The following PREX2 variants were observed in gnomAD, a reference collection of about 807,000 sequenced individuals.
The protein encoded by PREX2 is phosphatidylinositol-3,4,5-trisphosphate dependent Rac exchange factor 2.
Under a neutral mutation model 203.2 loss-of-function variants are expected in PREX2, and 107 were observed. The observed-to-expected ratio is 0.53, with a 90% CI of 0.45 to 0.62. The LOEUF (loss-of-function observed/expected upper bound fraction) is 0.62. Ranked by LOEUF, PREX2 falls within the 20% of genes least tolerant of loss-of-function variation. The pLI is 0.00. For missense variants in PREX2, 1,777 were observed against 1,955.9 expected (o/e 0.91, Z 1.72); for synonymous variants, 672 against 663.6 (o/e 1.01, Z -0.19).
chr8:67,961,564 T>C (rs949308504), intron 1 of PREX2, among the ~76,000 whole-genome samples: 4 of 152,262 alleles, frequency 2.6e-5, no homozygotes, highest in African/African-American at 9.6e-5. Context: ...TGATTAAAAG[T>C]GTGGCTGGGT....
chr8:68,025,116 C>G (rs1273338426), intron 4 of PREX2, among the ~76,000 whole-genome samples: 3 of 151,954 alleles, frequency 2.0e-5, no homozygotes, highest in Non-Finnish European at 4.4e-5. Context: ...GTGTATTTGA[C>G]TCTGATATTA....
intron 6 of PREX2, among the ~76,000 whole-genome samples, chr8:68,034,885 C>T (rs1769109120): frequency 6.6e-6 from 1 of 152,026 alleles, no homozygotes; most frequent in African/African-American, 2.4e-5. Flanking sequence ...AATTCATCTT[C>T]TACCTTGAGA....
rs79960053 is a variant in PREX2 at position 68,101,446 on chromosome 8, A to C, written c.2715+1603A>C. 1.3e-3 allele frequency: 674 copies of C among 518,884 alleles called. 7 individuals carry two copies. The highest frequency in any genetic ancestry group is 0.012 in the African/African-American group (641 of 52,082). The allele number at this position is 518,884 out of a possible 1,614,324, so 32.1% of individuals were successfully genotyped here. ...TTCAGGGTTGCTGGTTACCTGCCAC[A>C]TTTGTTAATCTGCTTTTCATGACTG... On this transcript the variant is annotated intron_variant, in intron 23 of 39. Coordinates refer to ENST00000288368, the MANE Select transcript of PREX2 (RefSeq NM_024870.4).
intron 35 of PREX2, among the ~76,000 whole-genome samples, chr8:68,164,082 A>C (rs964117061): frequency 6.6e-6 from 1 of 152,102 alleles, no homozygotes; most frequent in African/African-American, 2.4e-5. Flanking sequence ...CAGATGACCC[A>C]AAAAAGGGGT....
intron 37 of PREX2, among the ~76,000 whole-genome samples, chr8:68,204,211 T>C (rs937858726): frequency 1.1e-4 from 17 of 152,148 alleles, no homozygotes; most frequent in Non-Finnish European, 2.2e-4. Flanking sequence ...TCCAAGTGCC[T>C]AAATGCTCAT....
intron 1 of PREX2, among the ~76,000 whole-genome samples, chr8:67,980,687 TC>T: frequency 6.6e-6 from 1 of 152,178 alleles, no homozygotes; most frequent in African/African-American, 2.4e-5. Context: ...TGGGGGTGGT[TC>T]CCCCATACTG....
chr8:68,089,619 C>T (rs943624124), intron 19 of PREX2, among the ~76,000 whole-genome samples: 93 of 152,124 alleles, frequency 6.1e-4, no homozygotes, highest in African/African-American at 2.2e-3. Context: ...TTTCCATTTT[C>T]CCCTAAGACT....
chr8:68,214,227 C>T (rs1256337583), intron 37 of PREX2, among the ~76,000 whole-genome samples: 1 of 151,952 alleles, frequency 6.6e-6, no homozygotes, highest in African/African-American at 2.4e-5. Flanking sequence ...TAGTGAGAAC[C>T]CATCTCCACA....
chr8:68,215,433 G>A (rs1025204799), intron 37 of PREX2, among the ~76,000 whole-genome samples: 8 of 152,108 alleles, frequency 5.3e-5, no homozygotes, highest in African/African-American at 1.9e-4. Context: ...AAAATGTTAG[G>A]ATCAATAAAG....
In PREX2 at chr8:67,952,331, C is replaced by T; in HGVS notation, c.-64C>T. 1 of 1,319,106 alleles carries T rather than the reference C, an allele frequency of 7.6e-7. No homozygotes were observed. Among genetic ancestry groups the T allele is most frequent in the South Asian group, 2.3e-5 (1 of 42,744 alleles). 81.7% of individuals were successfully genotyped at this position (1,319,106 alleles called of 1,614,324 possible). A position where few individuals can be genotyped will look rare whatever the true frequency, so the allele number is the denominator to read the frequency against. ...ATTCTCGCCGCCGGGGGCCGGGCAG[C>T]AGCGGGCGCGCGGGTCAGCGCTCAG... On this transcript the variant is annotated 5_prime_UTR_variant, in exon 1 of 40. Coordinates refer to ENST00000288368, the MANE Select transcript of PREX2 (RefSeq NM_024870.4).
In PREX2 at chr8:67,989,122, TAATG is replaced by T. The variant is rs1188267688; in HGVS notation, c.142-28722_142-28719del. Reference sequence around the variant, plus strand: ...CAGTTTAGGAGAAGGAGAGAAAAATTAATGAGGAATGGATGTGAAAAAAAAGATA... The same window carrying T: ...CAGTTTAGGAGAAGGAGAGAAAAATTAGGAATGGATGTGAAAAAAAAGATA... On this transcript the variant is annotated intron_variant, in intron 1 of 39. Coordinates refer to ENST00000288368, the MANE Select transcript of PREX2 (RefSeq NM_024870.4). Among the ~76,000 whole-genome samples the T allele has an allele frequency of 5.9e-5, 9 of 151,902 alleles. No homozygotes were observed. In the South Asian group the frequency reaches 1.9e-3, roughly 32 times the overall value.
intron 1 of PREX2, among the ~76,000 whole-genome samples, chr8:67,975,844 C>A (rs946459936): frequency 6.6e-6 from 1 of 150,594 alleles, no homozygotes; most frequent in Admixed American, 6.6e-5. Flanking sequence ...GCTGGGACTA[C>A]AGGCGTGTGC....
At chr8:67,997,266 C>A (rs1299020515) in intron 1 of PREX2, among the ~76,000 whole-genome samples, 2 of 151,948 alleles carry the variant, frequency 1.3e-5, no homozygotes, top group African/African-American at 4.8e-5. Flanking sequence ...CTACAATAGT[C>A]CCCCCTTAAC....
At chr8:68,000,997 T>C (rs1207678219) in intron 1 of PREX2, among the ~76,000 whole-genome samples, 2 of 152,266 alleles carry the variant, frequency 1.3e-5, no homozygotes, top group South Asian at 2.1e-4. Context: ...TGTAGAAACC[T>C]TGGAAGACAA....
At chr8:67,989,669 T>C (rs10087302) in intron 1 of PREX2, among the ~76,000 whole-genome samples, 17,424 of 152,250 alleles carry the variant, frequency 0.11, 1,134 homozygotes, top group African/African-American at 0.19. Context: ...TGTCTCAGTA[T>C]TACGTAAAAA....
In PREX2 at chr8:68,027,338, A is replaced by G. The variant is rs772360293; in HGVS notation, c.543+15A>G. 2.8e-6 allele frequency: 4 copies of G among 1,446,382 alleles called. No homozygotes were observed. The South Asian group carries it at 3.5e-5, about 13-fold the overall frequency. The allele number at this position is 1,446,382 out of a possible 1,614,324, so 89.6% of individuals were successfully genotyped here. On this transcript the variant is annotated intron_variant, in intron 5 of 39. Coordinates refer to ENST00000288368, the MANE Select transcript of PREX2 (RefSeq NM_024870.4). The stretch of plus-strand genomic sequence containing the variant: ...TTATTTTGAAGGTATTTTATGTGCT[A>G]CCTCATTGTAGCCATTTTCTTGTAT...
intron 9 of PREX2, among the ~76,000 whole-genome samples, chr8:68,055,294 C>T (rs2129611187): frequency 6.6e-6 from 1 of 152,292 alleles, no homozygotes; most frequent in East Asian, 1.9e-4. Context: ...TCTCTTAAAA[C>T]CCATGGCTCC....
chr8:68,157,753 A>T (rs970884759), intron 35 of PREX2, among the ~76,000 whole-genome samples: 5 of 152,054 alleles, frequency 3.3e-5, no homozygotes, highest in Non-Finnish European at 7.4e-5. Flanking sequence ...GGTGTCCCCT[A>T]TAAGATTTAT....
intron 23 of PREX2, chr8:68,106,130 G>A (rs11986355): frequency 0.014 from 4,540 of 329,682 alleles, 132 homozygotes; most frequent in African/African-American, 0.071. Context: ...GCTTTTGAAT[G>A]GATGGATAAT....
Sources: gnomAD v4.1 joint callset for allele counts (sites outside exome capture counted in the v4.1 genomes callset) on GRCh38, gnomAD v4.1.1 for gene constraint, MANE v1.5 for transcripts, NCBI Gene and HGNC (gene_info 2026-07-23, HGNC 2026-07-21) for gene names.